CCDC91: variants seen among roughly 807,000 people sequenced by gnomAD.
CCDC91 encodes the protein coiled-coil domain containing 91, also known as coiled-coil domain-containing protein 91.
CCDC91 carries 48 observed loss-of-function variants against 63.2 expected under a neutral mutation model. The observed-to-expected ratio is 0.76, with a 90% CI of 0.60 to 0.97. The LOEUF (loss-of-function observed/expected upper bound fraction) is 0.97. CCDC91 is among the 50% of genes least tolerant of loss of function. The probability of loss-of-function intolerance (pLI) is 0.00; values close to 1 mark genes in which losing one functional copy is unlikely to be tolerated. For synonymous variants in CCDC91, 167 were observed against 165.8 expected (o/e 1.01, Z -0.06); for missense variants, 500 against 494.6 (o/e 1.01, Z -0.10).
chr12:28,207,764 G>A (rs1014220336), intron 1 of CCDC91, among the ~76,000 whole-genome samples: 2 of 152,092 alleles, frequency 1.3e-5, no homozygotes, highest in Admixed American at 1.3e-4. Context: ...ATGAGTCATG[G>A]AATGCAGAAC....
At chr12:28,535,891 T>A (rs1321265140) in intron 12 of CCDC91, among the ~76,000 whole-genome samples, 1 of 151,826 alleles carries the variant, frequency 6.6e-6, no homozygotes, top group Non-Finnish European at 1.5e-5. Context: ...TAGCCGGACA[T>A]GGTGGTGGGC....
At chr12:28,478,395 A>G in intron 11 of CCDC91, among the ~76,000 whole-genome samples, 1 of 152,200 alleles carries the variant, frequency 6.6e-6, no homozygotes, top group Admixed American at 6.5e-5. Flanking sequence ...GTGCTGGGAA[A>G]ACTGGCTAGC....
chr12:28,352,506 A>G (rs1013849901), intron 6 of CCDC91, among the ~76,000 whole-genome samples: 9 of 152,224 alleles, frequency 5.9e-5, no homozygotes, highest in Admixed American at 2.0e-4. Flanking sequence ...TGTTCACAGC[A>G]TCTTCACCAG....
intron 12 of CCDC91, among the ~76,000 whole-genome samples, chr12:28,511,167 A>G (rs988322583): frequency 4.6e-5 from 7 of 152,030 alleles, no homozygotes; most frequent in South Asian, 4.1e-4. Flanking sequence ...TATGTCACTT[A>G]TCACCATCTC....
intron 8 of CCDC91, among the ~76,000 whole-genome samples, chr12:28,422,038 T>C (rs1358885668): frequency 6.6e-6 from 1 of 152,148 alleles, no homozygotes; most frequent in Non-Finnish European, 1.5e-5. Flanking sequence ...TCACTATTAA[T>C]GTATAATAGT....
intron 3 of CCDC91, among the ~76,000 whole-genome samples, chr12:28,275,890 A>G (rs1237220506): frequency 2.0e-5 from 3 of 152,154 alleles, no homozygotes; most frequent in Non-Finnish European, 4.4e-5. Context: ...ATCTCAATAG[A>G]TGCCCAAAAG....
intron 1 of CCDC91, among the ~76,000 whole-genome samples, chr12:28,222,639 T>C (rs1322492599): frequency 6.6e-6 from 1 of 152,206 alleles, no homozygotes; most frequent in Non-Finnish European, 1.5e-5. Context: ...GGTGTACAAA[T>C]TTTATGTTTG....
intron 1 of CCDC91, among the ~76,000 whole-genome samples, chr12:28,232,969 T>G (rs1480124400): frequency 7.2e-6 from 1 of 138,152 alleles, no homozygotes; most frequent in African/African-American, 2.8e-5. Context: ...CAAGACTCTA[T>G]CTCCAAAAAA....
chr12:28,487,691 A>G (rs1304288034), intron 12 of CCDC91, among the ~76,000 whole-genome samples: 3 of 151,550 alleles, frequency 2.0e-5, no homozygotes, highest in Non-Finnish European at 4.4e-5. Context: ...GATTTTCAAC[A>G]TTAGACAACT....
chr12:28,430,366 T>G (rs1948564999), intron 8 of CCDC91, among the ~76,000 whole-genome samples: 1 of 152,050 alleles, frequency 6.6e-6, no homozygotes, highest in Admixed American at 6.6e-5. Flanking sequence ...TCTTAGCACA[T>G]TCTTGTATGA....
At chr12:28,469,249 A>T (rs1351637934) in intron 11 of CCDC91, among the ~76,000 whole-genome samples, 1 of 152,126 alleles carries the variant, frequency 6.6e-6, no homozygotes, top group Non-Finnish European at 1.5e-5. Flanking sequence ...GTTGCAGCAT[A>T]CAAAATCAAC....
intron 12 of CCDC91, among the ~76,000 whole-genome samples, chr12:28,537,164 T>C (rs1190853425): frequency 2.0e-5 from 3 of 151,952 alleles, no homozygotes; most frequent in Non-Finnish European, 2.9e-5. Flanking sequence ...TTAGGTGCTG[T>C]TTTTTTTCTT....
At chr12:28,407,956 A>ATTTTTTTTTTTTTTTTTTTTTTTTTTTT (rs1565925661) in intron 8 of CCDC91, among the ~76,000 whole-genome samples, 1 of 106,854 alleles carries the variant, frequency 9.4e-6, no homozygotes. Flanking sequence ...ATATACATAT[A>ATTTTTTTTTTTTTTTTTTTTTTTTTTTT]TATATATATT....
At chr12:28,229,116 T>C (rs1944440602) in intron 1 of CCDC91, among the ~76,000 whole-genome samples, 1 of 151,998 alleles carries the variant, frequency 6.6e-6, no homozygotes, top group Non-Finnish European at 1.5e-5. Context: ...CAAACTGTAT[T>C]ATGGGCAGTG....
At chr12:28,304,316 G>T (rs1436172651) in intron 3 of CCDC91, among the ~76,000 whole-genome samples, 1 of 139,558 alleles carries the variant, frequency 7.2e-6, no homozygotes, top group Non-Finnish European at 1.5e-5. Context: ...GGTGGAAATT[G>T]CAGTGAGCCA....
intron 4 of CCDC91, 46 bp downstream of exon 4, chr12:28,305,852 T>G (rs370713979): frequency 1.4e-6 from 2 of 1,473,534 alleles, no homozygotes; most frequent in African/African-American, 1.4e-5. Flanking sequence ...ATTTAAAAAA[T>G]TGCCTGCTAA....
At chr12:28,545,233 C>T (rs1942905232) in intron 12 of CCDC91, among the ~76,000 whole-genome samples, 1 of 151,944 alleles carries the variant, frequency 6.6e-6, no homozygotes, top group Non-Finnish European at 1.5e-5. Context: ...GAAATGAAAG[C>T]CACAAATACA....
intron 3 of CCDC91, among the ~76,000 whole-genome samples, chr12:28,282,151 T>C (rs997724061): frequency 1.3e-5 from 2 of 152,158 alleles, no homozygotes; most frequent in African/African-American, 4.8e-5. Context: ...CGTACTACCG[T>C]TAAGTTGGTA....
rs748329759 is a variant in CCDC91, at chr12:28,305,828, AAGG to A, written c.267+26_267+28del. On this transcript the variant is annotated intron_variant, in intron 4 of 12. Transcript: ENST00000536442. ...ACAGGTAAAGACAAACATATTTTTA[AAGG>A]AGGTTTGCATATTTAAAAAATTGCC... 14 of 1,587,810 alleles carry A rather than the reference AAGG, an allele frequency of 8.8e-6. No individual in the cohort carries two copies. In the Admixed American group the frequency reaches 2.1e-4, roughly 24 times the overall value.
Sources: gnomAD v4.1 joint callset for allele counts (sites outside exome capture counted in the v4.1 genomes callset) on GRCh38, gnomAD v4.1.1 for gene constraint, MANE v1.5 for transcripts, NCBI Gene and HGNC (gene_info 2026-07-23, HGNC 2026-07-21) for gene names.